COL4A4: variants seen among roughly 807,000 people sequenced by gnomAD.
COL4A4 encodes collagen alpha-4(IV) chain.
COL4A4 carries 105 observed loss-of-function variants against 192.9 expected under a neutral mutation model. The observed-to-expected ratio is 0.54, with a 90% CI of 0.46 to 0.64. COL4A4 has a LOEUF of 0.64. Ranked by LOEUF, COL4A4 falls within the 30% of genes least tolerant of loss-of-function variation. The pLI is 0.00. For synonymous variants in COL4A4, 762 were observed against 769.9 expected, an observed-to-expected ratio of 0.99 and a Z score of 0.17; for missense variants, 1,967 against 2,169.3, an observed-to-expected ratio of 0.91 and a Z score of 1.85.
chr2:227,144,390 CTA>C, intron 3 of COL4A4, 124 bp downstream of exon 3: 2 of 781,826 alleles, frequency 2.6e-6, no homozygotes, highest in South Asian at 1.5e-5. Context: ...TTATTTAGTC[CTA>C]TTCTCCATTT....
In COL4A4 at chr2:227,123,501, C is replaced by T. The variant is rs1286086174; in HGVS notation, c.193-2353G>A. On this transcript the variant is annotated intron_variant, in intron 4 of 47. Transcript: ENST00000396625. This position sits in a 1 kb window ranked among gnomAD's most constrained non-coding sequence, Gnocchi z 4.6. The stretch of plus-strand genomic sequence containing the variant: ...CGCGACCCACGGAAGTGAAGGCAGC[C>T]AAGAAAGGGGCAGTTTCAGGTCAGT... Among the ~76,000 whole-genome samples, 1 of 152,108 alleles carries T rather than the reference C, an allele frequency of 6.6e-6. No individual in the cohort carries two copies. The highest frequency in any genetic ancestry group is 1.5e-5 in the Non-Finnish European group (1 of 68,010).
chr2:227,110,832 G>A (rs1192208148), intron 9 of COL4A4, among the ~76,000 whole-genome samples: 6 of 151,240 alleles, frequency 4.0e-5, no homozygotes, highest in South Asian at 4.2e-4. Context: ...GTAGGTACGC[G>A]CCACCACGCC....
At chr2:227,104,802 G>A (rs1010906098) in intron 12 of COL4A4, among the ~76,000 whole-genome samples, 1 of 151,042 alleles carries the variant, frequency 6.6e-6, no homozygotes, top group Non-Finnish European at 1.5e-5. Flanking sequence ...CACCATGCCC[G>A]GCTAATTTTG....
At chr2:227,061,330 C>A (rs945094525) in intron 26 of COL4A4, among the ~76,000 whole-genome samples, 1 of 152,166 alleles carries the variant, frequency 6.6e-6, no homozygotes, top group Admixed American at 6.5e-5. Context: ...CCCTTTTACC[C>A]AGGGCTTGGT....
chr2:226,973,432 C>A, the COL4A4 span, among the ~76,000 whole-genome samples: 1 of 152,194 alleles, frequency 6.6e-6, no homozygotes, highest in Non-Finnish European at 1.5e-5. Flanking sequence ...TTTGCCTGTT[C>A]CTTTTTCCAC....
At chr2:227,000,987 C>A (rs1336873939), downstream of COL4A4, among the ~76,000 whole-genome samples, 3 of 152,116 alleles carry the variant, frequency 2.0e-5, no homozygotes, top group African/African-American at 7.2e-5. Flanking sequence ...ATTGTAAGTC[C>A]AATAAACCTC....
chr2:227,052,401 G>GTCCTATGGC lies in COL4A4; in HGVS notation c.2863_2871dup (p.Ala955_Gly957dup). ...GCCATTTCTCCTTCATCTCCGGGAG[G>GTCCTATGGC]TCCTATGGCTCCTATGGATATTAAT... is the stretch of plus-strand genomic sequence containing the variant. On this transcript the variant is annotated inframe_insertion, in exon 32 of 48. Transcript: ENST00000396625. 1 of 1,599,112 alleles carries GTCCTATGGC rather than the reference G, an allele frequency of 6.3e-7. No individual in the cohort carries two copies. The highest frequency in any genetic ancestry group is 1.3e-5 in the African/African-American group (1 of 74,518).
At chr2:227,063,368 T>C (rs1233409149) in intron 25 of COL4A4, among the ~76,000 whole-genome samples, 1 of 152,180 alleles carries the variant, frequency 6.6e-6, no homozygotes. Flanking sequence ...TGCATTTCTT[T>C]ATATGCTCTC....
chr2:227,109,091 G>T, intron 10 of COL4A4, 133 bp downstream of exon 10: 1 of 951,646 alleles, frequency 1.1e-6, no homozygotes, highest in Non-Finnish European at 1.7e-6. Context: ...GATAATGGTG[G>T]GTTTTCACTG....
intron 4 of COL4A4, among the ~76,000 whole-genome samples, chr2:227,122,454 G>C (rs565614822): frequency 6.6e-6 from 1 of 152,322 alleles, no homozygotes; most frequent in South Asian, 2.1e-4. Context: ...GCAGGGTTTA[G>C]GAGATATCTG....
chr2:227,122,894 T>C (rs2061876557), intron 4 of COL4A4, among the ~76,000 whole-genome samples: 1 of 152,138 alleles, frequency 6.6e-6, no homozygotes. Flanking sequence ...AGACAGGGTC[T>C]CACTCTGTTT....
chr2:227,158,193 A>G (rs1217168038), intron 1 of COL4A4, among the ~76,000 whole-genome samples: 1 of 152,164 alleles, frequency 6.6e-6, no homozygotes, highest in African/African-American at 2.4e-5. Flanking sequence ...ATGATGATCA[A>G]TTGATTTTTC....
At chr2:226,996,770 T>C in the COL4A4 span, 1 of 152,214 alleles carries the variant, frequency 6.6e-6, no homozygotes, top group Admixed American at 6.5e-5. Context: ...ATTACTGTCT[T>C]GGAAGATGTG....
intron 33 of COL4A4, 78 bp downstream of exon 33, chr2:227,050,899 A>C: frequency 6.4e-7 from 1 of 1,570,726 alleles, no homozygotes; most frequent in Admixed American, 1.7e-5. Flanking sequence ...ATACGCTGGC[A>C]AATTATAGCT....
chr2:227,137,077 G>T (rs971585641), intron 4 of COL4A4, among the ~76,000 whole-genome samples: 1 of 152,146 alleles, frequency 6.6e-6, no homozygotes, highest in Non-Finnish European at 1.5e-5. Flanking sequence ...AAGACCACAG[G>T]CTCCCTGTTG....
intron 44 of COL4A4, among the ~76,000 whole-genome samples, chr2:227,017,306 A>G (rs551627800): frequency 1.3e-5 from 2 of 152,324 alleles, no homozygotes; most frequent in Admixed American, 1.3e-4. Context: ...ACATTTCCTG[A>G]GAAACAGGAA....
At chr2:226,990,246 T>C in the COL4A4 span, among the ~76,000 whole-genome samples, 2 of 152,150 alleles carry the variant, frequency 1.3e-5, no homozygotes, top group Non-Finnish European at 2.9e-5. Flanking sequence ...CAACCATCCT[T>C]TCAGGGGAGG....
At chr2:227,023,555 A>G (rs1256409062) in intron 43 of COL4A4, among the ~76,000 whole-genome samples, 1 of 152,232 alleles carries the variant, frequency 6.6e-6, no homozygotes, top group Non-Finnish European at 1.5e-5. Context: ...CATCCTGCAA[A>G]CATCACAGAG....
At chr2:227,073,826 G>C (rs1235265728) in intron 25 of COL4A4, among the ~76,000 whole-genome samples, 1 of 151,980 alleles carries the variant, frequency 6.6e-6, no homozygotes, top group East Asian at 1.9e-4. Flanking sequence ...AATGATGCTG[G>C]GAAAACTGCC....
Sources: gnomAD v4.1 joint callset for allele counts (sites outside exome capture counted in the v4.1 genomes callset) on GRCh38, gnomAD v4.1.1 for gene constraint, Gnocchi (gnomAD v3.1) non-coding constraint, MANE v1.5 for transcripts, NCBI Gene and HGNC (gene_info 2026-07-23, HGNC 2026-07-21) for gene names.